Variants in SMIM35 observed in about 807,000 individuals in gnomAD.
SMIM35 encodes the protein small integral membrane protein 35.
At chr11:118,078,013 CAAAAAAAAAAAAAAA>C (rs148383275) in intron 1 of SMIM35, among the ~76,000 whole-genome samples, 9 of 71,050 alleles carry the variant, frequency 1.3e-4, no homozygotes, top group African/African-American at 2.2e-4. Context: ...AACTCCGTCT[CAAAAAAAAAAAAAAA>C]AAAAAAAAAA....
intron 1 of SMIM35, among the ~76,000 whole-genome samples, chr11:118,085,451 C>G (rs948769887): frequency 2.0e-5 from 3 of 152,142 alleles, no homozygotes; most frequent in African/African-American, 4.8e-5. Context: ...TCTCAAACTC[C>G]TGGCTGGAGT....
chr11:118,034,926 G>A (rs548277217), intron 1 of SMIM35, among the ~76,000 whole-genome samples: 1 of 151,346 alleles, frequency 6.6e-6, no homozygotes, highest in African/African-American at 2.4e-5. Context: ...TTGCGGTTAT[G>A]AATATAAGTG....
At chr11:118,053,629 G>A (rs554882997) in intron 1 of SMIM35, among the ~76,000 whole-genome samples, 1 of 152,332 alleles carries the variant, frequency 6.6e-6, no homozygotes, top group African/African-American at 2.4e-5. Context: ...GGCAACGGGT[G>A]GGGCCTTCCT....
At chr11:118,048,995 A>T (rs537533736) in intron 1 of SMIM35, among the ~76,000 whole-genome samples, 3 of 149,412 alleles carry the variant, frequency 2.0e-5, no homozygotes, top group South Asian at 4.3e-4. Flanking sequence ...TTTTGCCAAT[A>T]ATCATAATGT....
At chr11:118,031,078 C>T (rs905758730) in intron 1 of SMIM35, among the ~76,000 whole-genome samples, 20 of 152,158 alleles carry the variant, frequency 1.3e-4, no homozygotes, top group South Asian at 1.0e-3. Context: ...GACTAATGGA[C>T]GCCAGACTTC....
chr11:118,026,673 A>G (rs1034738949), intron 1 of SMIM35, among the ~76,000 whole-genome samples: 1 of 152,194 alleles, frequency 6.6e-6, no homozygotes, highest in Admixed American at 6.5e-5. Context: ...ATTCATTAAG[A>G]TGCAGGTCTT....
intron 1 of SMIM35, among the ~76,000 whole-genome samples, chr11:118,056,055 A>G (rs61900566): frequency 0.24 from 35,846 of 151,912 alleles, 4,827 homozygotes; most frequent in Non-Finnish European, 0.31. Flanking sequence ...GTGGACAGGT[A>G]GGAGAGATCA....
At chr11:118,055,454 T>C (rs1310525594) in intron 1 of SMIM35, among the ~76,000 whole-genome samples, 1 of 152,156 alleles carries the variant, frequency 6.6e-6, no homozygotes, top group East Asian at 1.9e-4. Flanking sequence ...CCCTGCCACC[T>C]CCTACCAAGA....
chr11:118,082,691 G>C (rs1201681227), intron 1 of SMIM35, among the ~76,000 whole-genome samples: 1 of 152,098 alleles, frequency 6.6e-6, no homozygotes, highest in East Asian at 1.9e-4. Context: ...CTAAACTAAA[G>C]TTTCATACCC....
At chr11:118,028,101 T>C (rs1449797176) in intron 1 of SMIM35, among the ~76,000 whole-genome samples, 2 of 152,366 alleles carry the variant, frequency 1.3e-5, no homozygotes, top group African/African-American at 4.8e-5. Context: ...GGGCCAAGTT[T>C]ACTGATGGGC....
chr11:118,024,202 C>T (rs978175782), intron 1 of SMIM35, among the ~76,000 whole-genome samples: 2 of 152,102 alleles, frequency 1.3e-5, no homozygotes, highest in African/African-American at 4.8e-5. Context: ...TTTGTTCAAA[C>T]AAGACATTTC....
chr11:118,019,946 C>T (rs2058212198), intron 1 of SMIM35, among the ~76,000 whole-genome samples: 1 of 152,190 alleles, frequency 6.6e-6, no homozygotes, highest in Admixed American at 6.5e-5. Context: ...AACACTGCTA[C>T]ATTATCTTAA....
intron 1 of SMIM35, among the ~76,000 whole-genome samples, chr11:118,035,621 C>T (rs2058353314): frequency 6.6e-6 from 1 of 152,148 alleles, no homozygotes; most frequent in Non-Finnish European, 1.5e-5. Context: ...CAGGCTCTCC[C>T]CAGCCAGTCT....
Position 118,038,637 on chromosome 11 carries a change from C to T in SMIM35, c.8-22828G>A, listed in dbSNP as rs1254972979. 2.0e-5 allele frequency among the ~76,000 whole-genome samples: 3 copies of T among 151,688 alleles called. No individual in the cohort carries two copies. The East Asian group carries it at 5.8e-4, about 29-fold the overall frequency. ...TGGTAGAAAACACTCTTTGATGTTT[C>T]TGGTAATCATGGACCCTTCTCCTGG... On this transcript the variant is annotated intron_variant, in intron 1 of 4. Coordinates refer to ENST00000689828, the MANE Select transcript of SMIM35 (RefSeq NM_001394165.1).
At chr11:118,052,374 C>A (rs1280261728) in intron 1 of SMIM35, among the ~76,000 whole-genome samples, 2 of 152,088 alleles carry the variant, frequency 1.3e-5, no homozygotes, top group Non-Finnish European at 2.9e-5. Flanking sequence ...CAGGCTGGGG[C>A]CCTGCAGGGA....
intron 1 of SMIM35, among the ~76,000 whole-genome samples, chr11:118,016,997 G>A (rs1487090060): frequency 6.6e-6 from 1 of 152,182 alleles, no homozygotes; most frequent in African/African-American, 2.4e-5. Flanking sequence ...TATTTACTCA[G>A]TGAACAGAAT....
rs142047583 is a variant in SMIM35, at chr11:118,043,438, C to T, written c.8-27629G>A. On this transcript the variant is annotated intron_variant, in intron 1 of 4. Transcript: ENST00000689828. ...AAAACATTATGCTAAGTGAAAAAAG[C>T]CAGTCACAGAAGTCCACATATTATA... Among the ~76,000 whole-genome samples the T allele has an allele frequency of 4.0e-3, 601 of 152,034 alleles. 5 individuals carry two copies. The highest frequency in any genetic ancestry group is 0.014 in the African/African-American group (561 of 41,478).
rs191749275 is a variant in SMIM35 at position 118,078,885 on chromosome 11, G to A, written c.7+7866C>T. Reference sequence around the variant, plus strand: ...AGCCCCACGCACATGCACCGGGTTCGCAGAGATTACACAGCTAATACATGT... The same window carrying A: ...AGCCCCACGCACATGCACCGGGTTCACAGAGATTACACAGCTAATACATGT... On this transcript the variant is annotated intron_variant, in intron 1 of 4. Transcript: ENST00000689828. Among the ~76,000 whole-genome samples the A allele has an allele frequency of 9.9e-5, 15 of 152,246 alleles. No homozygotes were observed. The East Asian group carries it at 1.2e-3, about 12-fold the overall frequency.
intron 1 of SMIM35, among the ~76,000 whole-genome samples, chr11:118,051,595 C>T (rs78760381): frequency 0.01 from 1,564 of 152,268 alleles, 9 homozygotes; most frequent in Non-Finnish European, 0.015. Flanking sequence ...TAAACCCAGG[C>T]GAGAGCTCTC....
Sources: gnomAD v4.1 joint callset for allele counts (sites outside exome capture counted in the v4.1 genomes callset) on GRCh38, gnomAD v4.1.1 for gene constraint, MANE v1.5 for transcripts, NCBI Gene and HGNC (gene_info 2026-07-23, HGNC 2026-07-21) for gene names.